Variants in SHROOM3 observed in about 807,000 individuals in gnomAD.
SHROOM3 encodes protein Shroom3.
A neutral mutation model predicts 138.6 loss-of-function variants in SHROOM3; 47 were observed. The ratio of observed to expected loss-of-function variants is 0.34; its 90% confidence interval spans 0.27 to 0.43. The LOEUF (loss-of-function observed/expected upper bound fraction) is 0.43, where lower values mean the gene tolerates loss of function less well. Among genes scored for constraint, SHROOM3 ranks in the 20% least tolerant of loss-of-function variants. The probability of loss-of-function intolerance (pLI) is 1.00; values close to 1 mark genes in which losing one functional copy is unlikely to be tolerated. For synonymous variants in SHROOM3, 1,062 were observed against 1,063.3 expected (o/e 1.00, Z 0.02); for missense variants, 2,491 against 2,596.5 (o/e 0.96, Z 0.88).
Position 76,756,568 on chromosome 4 carries a change from C to G in SHROOM3, c.4829C>G (p.Ala1610Gly). The G allele has an allele frequency of 6.2e-7, 1 of 1,613,766 alleles. No individual in the cohort carries two copies. ...RLQTSIKGSEAESTPPSFMSV... is the reference protein window; with the variant it reads ...RLQTSIKGSEGESTPPSFMSV... ...CAAACTTCTATCAAGGGTTCAGAGG[C>G]TGAGTCCACACCACCCTCCTTCATG... Residue 1610 changes from alanine (A) to glycine (G), a missense_variant, in exon 8 of 11, where the codon GCT becomes GGT. Physicochemically the swap from Ala to Gly is moderately conservative, Grantham distance 60. Transcript: ENST00000296043.
At chr4:76,626,790 A>G (rs898456883) in intron 2 of SHROOM3, among the ~76,000 whole-genome samples, 6 of 152,218 alleles carry the variant, frequency 3.9e-5, no homozygotes, top group African/African-American at 1.4e-4. Context: ...CTCTTGGTCC[A>G]AAAGCTTCCT....
At chr4:76,605,377 C>G (rs1342137330) in intron 2 of SHROOM3, among the ~76,000 whole-genome samples, 1 of 152,126 alleles carries the variant, frequency 6.6e-6, no homozygotes, top group Non-Finnish European at 1.5e-5. Flanking sequence ...GAACAGTTCT[C>G]ATTATAAAAA....
intron 2 of SHROOM3, among the ~76,000 whole-genome samples, chr4:76,631,694 C>T (rs987106878): frequency 2.6e-5 from 4 of 152,120 alleles, no homozygotes; most frequent in Non-Finnish European, 5.9e-5. Context: ...GCCTCATAGG[C>T]CATAGTAAGA....
chr4:76,558,651 G>C (rs544243854), intron 2 of SHROOM3, among the ~76,000 whole-genome samples: 1 of 152,244 alleles, frequency 6.6e-6, no homozygotes, highest in East Asian at 1.9e-4. Context: ...GAAACTGAAG[G>C]ATATAAACCA....
chr4:76,593,065 AG>A (rs1734307106), intron 2 of SHROOM3, among the ~76,000 whole-genome samples: 1 of 152,218 alleles, frequency 6.6e-6, no homozygotes, highest in African/African-American at 2.4e-5. Context: ...AGAACAAGAC[AG>A]GGAATCCTTT....
chr4:76,730,428 T>A (rs980933060), intron 3 of SHROOM3, among the ~76,000 whole-genome samples: 1 of 152,188 alleles, frequency 6.6e-6, no homozygotes, highest in Non-Finnish European at 1.5e-5. Context: ...CGGGCTCCCA[T>A]TTTTATATAT....
intron 1 of SHROOM3, among the ~76,000 whole-genome samples, chr4:76,483,619 C>T (rs1731665049): frequency 6.6e-6 from 1 of 152,100 alleles, no homozygotes; most frequent in African/African-American, 2.4e-5. Context: ...CCAGAAATAC[C>T]ATTTGACCTA....
At chr4:76,653,725 C>G (rs900030373) in intron 2 of SHROOM3, among the ~76,000 whole-genome samples, 3 of 152,030 alleles carry the variant, frequency 2.0e-5, no homozygotes, top group Non-Finnish European at 4.4e-5. Flanking sequence ...GCCACCACAC[C>G]TGGCTAATTT....
chr4:76,506,008 A>T (rs998537187), intron 1 of SHROOM3, among the ~76,000 whole-genome samples: 2 of 152,146 alleles, frequency 1.3e-5, no homozygotes, highest in Non-Finnish European at 2.9e-5. Context: ...GGATAAAAAA[A>T]TGTGGCACAT....
chr4:76,438,646 T>C (rs560125431), intron 1 of SHROOM3, among the ~76,000 whole-genome samples: 1 of 152,286 alleles, frequency 6.6e-6, no homozygotes, highest in East Asian at 1.9e-4. Flanking sequence ...GTGGTCTCCC[T>C]TCTACACTTC....
At chr4:76,441,097 T>G (rs1157927495) in intron 1 of SHROOM3, among the ~76,000 whole-genome samples, 3 of 135,446 alleles carry the variant, frequency 2.2e-5, no homozygotes, top group Admixed American at 7.5e-5. Flanking sequence ...TTTTTTTTTT[T>G]TTTTTTTTTT....
intron 1 of SHROOM3, among the ~76,000 whole-genome samples, chr4:76,455,639 C>G (rs1355984538): frequency 6.6e-6 from 1 of 151,906 alleles, no homozygotes; most frequent in African/African-American, 2.4e-5. Context: ...AAAGAATAAC[C>G]AAGGGTCAAA....
Position 76,756,808 on chromosome 4 carries a change from C to G in SHROOM3, c.5069C>G (p.Ser1690Cys). The G allele has an allele frequency of 6.2e-7, 1 of 1,614,026 alleles. No individual in the cohort carries two copies. The highest frequency in any genetic ancestry group is 8.5e-7 in the Non-Finnish European group (1 of 1,180,000). ...KSLADILDPD[S>C]RLKTTMDLME... Reference sequence around the variant, plus strand: ...CTAGCAGACATTTTGGATCCAGACTCCAGGCTGAAGACAACAATGGACCTG... The same window carrying G: ...CTAGCAGACATTTTGGATCCAGACTGCAGGCTGAAGACAACAATGGACCTG... The change falls in exon 8 of 11, where the codon TCC becomes TGC. Residue 1690 changes from serine to cysteine, a missense_variant. Physicochemically the swap from Ser to Cys is moderately radical, Grantham distance 112 (BLOSUM62 -1). Coordinates refer to ENST00000296043, the MANE Select transcript of SHROOM3 (RefSeq NM_020859.4).
chr4:76,456,110 G>A (rs1421374420), intron 1 of SHROOM3, among the ~76,000 whole-genome samples: 5 of 152,036 alleles, frequency 3.3e-5, no homozygotes, highest in South Asian at 2.1e-4. Context: ...TGGTTCAAGC[G>A]ATTCTCCTGC....
chr4:76,685,374 CAAAAAAAAATCACA>C (rs1479721402), intron 2 of SHROOM3, among the ~76,000 whole-genome samples: 1 of 144,400 alleles, frequency 6.9e-6, no homozygotes, highest in Admixed American at 7.0e-5. Flanking sequence ...AGCTAAAAAA[CAAAAAAAAATCACA>C]AAAAAAAAAT....
In SHROOM3 at chr4:76,762,018, T is replaced by G. The variant is rs572132144; in HGVS notation, c.5349+2323T>G. ...GTTATAGGATTCGAGTCTATGGCCT[T>G]GCTATCCTCAACACATTTGATCTCA... On this transcript the variant is annotated intron_variant, in intron 9 of 10. Transcript: ENST00000296043. Among the ~76,000 whole-genome samples the G allele has an allele frequency of 5.3e-5, 8 of 152,264 alleles. No individual in the cohort carries two copies. The East Asian group carries it at 1.5e-3, about 29-fold the overall frequency.
rs567350247 is a variant in SHROOM3, at chr4:76,779,951, G to C, written c.*774G>C. ...GAAGGCCTCATGCACTGCGGTTATT[G>C]CATCATTTCCTAGTGCTTCATGTCA... On this transcript the variant is annotated 3_prime_UTR_variant, in exon 11 of 11. Coordinates refer to ENST00000296043, the MANE Select transcript of SHROOM3 (RefSeq NM_020859.4). 1.3e-5 allele frequency: 2 copies of C among 152,638 alleles called. No homozygotes were observed. Among genetic ancestry groups the C allele is most frequent in the Admixed American group, 1.3e-4 (2 of 15,302 alleles). 9.5% of individuals were successfully genotyped at this position (152,638 alleles called of 1,614,324 possible). A position where few individuals can be genotyped will look rare whatever the true frequency, so the allele number is the denominator to read the frequency against.
At chr4:76,504,787 G>C (rs980652414) in intron 1 of SHROOM3, among the ~76,000 whole-genome samples, 1 of 152,104 alleles carries the variant, frequency 6.6e-6, no homozygotes, top group Non-Finnish European at 1.5e-5. Flanking sequence ...ATGGTGGAGC[G>C]GCAGATAAGC....
At chr4:76,545,859 TG>T (rs1733206287) in intron 1 of SHROOM3, among the ~76,000 whole-genome samples, 1 of 152,152 alleles carries the variant, frequency 6.6e-6, no homozygotes, top group Non-Finnish European at 1.5e-5. Context: ...GTATTGGAAG[TG>T]GGATTTATAC....
Sources: allele counts gnomAD v4.1 joint callset (sites outside exome capture counted in the v4.1 genomes callset), GRCh38; gene constraint gnomAD v4.1.1; transcripts MANE v1.5; gene names NCBI Gene and HGNC (gene_info 2026-07-23, HGNC 2026-07-21).